The following SLA variants were observed in gnomAD, a reference collection of about 807,000 sequenced individuals.
The protein encoded by SLA is src-like-adapter.
In SLA, 16 loss-of-function variants were observed where a neutral mutation model predicts 30.3. The observed-to-expected ratio is 0.53, with a 90% CI of 0.36 to 0.80. The LOEUF (loss-of-function observed/expected upper bound fraction) is 0.80, where lower values mean the gene tolerates loss of function less well. Ranked by LOEUF, SLA falls within the 30% of genes least tolerant of loss-of-function variation. The pLI, the probability that SLA is intolerant of heterozygous loss-of-function variation, is 0.01. For missense variants in SLA, 310 were observed against 345.2 expected, an observed-to-expected ratio of 0.90 and a Z score of 0.81; for synonymous variants, 143 against 137.8, an observed-to-expected ratio of 1.04 and a Z score of -0.26.
At position 133,036,969 on chromosome 8, in the gene SLA, G is replaced by A. The variant is rs910129370; in HGVS notation, c.*1555C>T. ...ACATTCATTTCTCATACGTTGGCTG[G>A]TTCCTTTGAAATAGCCTTTTGGAAC... On this transcript the variant is annotated 3_prime_UTR_variant, in exon 9 of 9. Transcript: ENST00000338087. The A allele has an allele frequency of 6.6e-6, 1 of 152,296 alleles. No homozygotes were observed. The highest frequency in any genetic ancestry group is 6.5e-5 in the Admixed American group (1 of 15,286). The allele number at this position is 152,296 out of a possible 1,614,324, so 9.4% of individuals were successfully genotyped here. A position where few individuals can be genotyped will look rare whatever the true frequency, so the allele number is the denominator to read the frequency against.
chr8:133,071,880 A>G (rs1034202534), intron 2 of SLA, among the ~76,000 whole-genome samples: 1 of 152,290 alleles, frequency 6.6e-6, no homozygotes, highest in Non-Finnish European at 1.5e-5. Context: ...CATGTCTATT[A>G]TATTCCTCAA....
intron 2 of SLA, among the ~76,000 whole-genome samples, chr8:133,062,047 A>G (rs1044438827): frequency 1.3e-5 from 2 of 152,248 alleles, no homozygotes; most frequent in Non-Finnish European, 2.9e-5. Context: ...CGCAAAAGCT[A>G]TAAACTCATA....
chr8:133,100,614 G>A (rs549319465), intron 1 of SLA, among the ~76,000 whole-genome samples: 19 of 152,278 alleles, frequency 1.2e-4, no homozygotes, highest in African/African-American at 4.1e-4. Context: ...TTTTCAGAGA[G>A]AAACCAGAAT....
intron 1 of SLA, among the ~76,000 whole-genome samples, chr8:133,093,522 C>T (rs1236794315): frequency 6.6e-6 from 1 of 152,108 alleles, no homozygotes; most frequent in Non-Finnish European, 1.5e-5. Flanking sequence ...AGTCTATGGA[C>T]CTAGTTGCCA....
In SLA at chr8:133,084,019, C is replaced by T. The variant is rs2702985; in HGVS notation, c.-318-8889G>A. 8.0e-3 allele frequency among the ~76,000 whole-genome samples: 1,223 copies of T among 152,302 alleles called. 17 individuals carry two copies. The highest frequency in any genetic ancestry group is 0.043 in the South Asian group (209 of 4,824). Reference sequence around the variant, plus strand: ...TCTCCCACCTTCTATGCCATTCCCTCTCCTGTGCTCATGAGGCCATTCCCA... The same window carrying T: ...TCTCCCACCTTCTATGCCATTCCCTTTCCTGTGCTCATGAGGCCATTCCCA... On this transcript the variant is annotated intron_variant, in intron 1 of 8. Transcript: ENST00000338087.
chr8:133,101,198 C>T (rs1353031126), intron 1 of SLA, among the ~76,000 whole-genome samples: 1 of 152,112 alleles, frequency 6.6e-6, no homozygotes, highest in African/African-American at 2.4e-5. Flanking sequence ...CTAGAGAGAT[C>T]CTCAGGATTC....
At chr8:133,102,117 A>G (rs1849333725) in intron 1 of SLA, among the ~76,000 whole-genome samples, 1 of 152,236 alleles carries the variant, frequency 6.6e-6, no homozygotes, top group Non-Finnish European at 1.5e-5. Context: ...TTTTAATTTT[A>G]ATATTAAGAT....
At chr8:133,047,783 AT>A (rs1839722621) in intron 6 of SLA, 46 bp downstream of exon 6, 1 of 1,067,720 alleles carries the variant, frequency 9.4e-7, no homozygotes, top group Non-Finnish European at 1.5e-6. Context: ...GGAGCAAAAC[AT>A]GCTTGTCTGC....
At chr8:133,043,636 G>T (rs187017875) in intron 7 of SLA, among the ~76,000 whole-genome samples, 21 of 152,260 alleles carry the variant, frequency 1.4e-4, no homozygotes, top group African/African-American at 4.8e-4. Flanking sequence ...CTTGCCCAAG[G>T]CCTCACAAGG....
intron 6 of SLA, chr8:133,047,494 C>G: frequency 3.0e-6 from 1 of 332,290 alleles, no homozygotes; most frequent in Non-Finnish European, 5.8e-6. Context: ...CAGCCCAGGC[C>G]CATACCAAAG....
chr8:133,066,476 C>T (rs974035708), intron 2 of SLA, among the ~76,000 whole-genome samples: 1 of 152,118 alleles, frequency 6.6e-6, no homozygotes, highest in Non-Finnish European at 1.5e-5. Flanking sequence ...AGAGAAATTT[C>T]CAAAATGTTT....
intron 7 of SLA, among the ~76,000 whole-genome samples, chr8:133,040,664 T>C (rs1838049542): frequency 6.9e-6 from 1 of 145,424 alleles, no homozygotes; most frequent in Admixed American, 6.8e-5. Context: ...AAAGAAACAA[T>C]GAAAGAAGGA....
At chr8:133,055,555 A>G (rs997426775) in intron 3 of SLA, among the ~76,000 whole-genome samples, 2 of 152,204 alleles carry the variant, frequency 1.3e-5, no homozygotes, top group South Asian at 4.2e-4. Flanking sequence ...GGTAGCCCAC[A>G]AAGCTCTTTT....
chr8:133,095,066 C>A (rs1490579510), intron 1 of SLA: 5 of 1,613,826 alleles, frequency 3.1e-6, no homozygotes, highest in Non-Finnish European at 4.2e-6. Context: ...CTCTCCCCGG[C>A]CGCCGTCATC....
chr8:133,054,799 C>T (rs1841059232), intron 3 of SLA, among the ~76,000 whole-genome samples: 1 of 152,078 alleles, frequency 6.6e-6, no homozygotes, highest in African/African-American at 2.4e-5. Flanking sequence ...GAAACGAATC[C>T]ACAAAGGGGA....
intron 2 of SLA, chr8:133,073,360 T>C (rs1156884494): frequency 6.6e-6 from 1 of 152,192 alleles, no homozygotes; most frequent in Non-Finnish European, 1.5e-5. Context: ...AGAATTCTTC[T>C]TCTTATTTTT....
At chr8:133,044,322 A>G (rs1838888249) in intron 7 of SLA, among the ~76,000 whole-genome samples, 5 of 151,916 alleles carry the variant, frequency 3.3e-5, no homozygotes, top group Admixed American at 3.3e-4. Flanking sequence ...ACACCACATG[A>G]TGCTTGCTTT....
At chr8:133,044,091 CACAA>C (rs570190234) in intron 7 of SLA, among the ~76,000 whole-genome samples, 206 of 152,286 alleles carry the variant, frequency 1.4e-3, no homozygotes, top group African/African-American at 4.8e-3. Context: ...GAAAGTGAGA[CACAA>C]ACAGCCAACC....
intron 6 of SLA, chr8:133,046,707 G>A (rs1425401613): frequency 1.3e-5 from 2 of 152,202 alleles, no homozygotes; most frequent in South Asian, 2.1e-4. Context: ...TCCTGCCTCC[G>A]GGGACCTCTA....
Sources: gnomAD v4.1 joint callset for allele counts (sites outside exome capture counted in the v4.1 genomes callset) on GRCh38, gnomAD v4.1.1 for gene constraint, MANE v1.5 for transcripts, NCBI Gene and HGNC (gene_info 2026-07-23, HGNC 2026-07-21) for gene names.